The following ADGRB3 variants were observed in gnomAD, a reference collection of about 807,000 sequenced individuals.
ADGRB3 encodes brain-specific angiogenesis inhibitor 3.
Under a neutral mutation model 193.4 loss-of-function variants are expected in ADGRB3, and 37 were observed. The ratio of observed to expected loss-of-function variants is 0.19; its 90% confidence interval spans 0.15 to 0.25. The LOEUF (loss-of-function observed/expected upper bound fraction) is 0.25. Among genes scored for constraint, ADGRB3 ranks in the 10% least tolerant of loss-of-function variants. The pLI, the probability that ADGRB3 is intolerant of heterozygous loss-of-function variation, is 1.00. For synonymous variants in ADGRB3, 690 were observed against 644.2 expected (o/e 1.07, Z -1.08); for missense variants, 1,637 against 1,852.9 (o/e 0.88, Z 2.14).
At position 69,364,978 on chromosome 6, in the gene ADGRB3, A is replaced by T. The variant is rs552003245; in HGVS notation, c.4239+3466A>T. Among the ~76,000 whole-genome samples, 9 of 152,200 alleles carry T rather than the reference A, an allele frequency of 5.9e-5. No homozygotes were observed. The East Asian group carries it at 1.7e-3, about 29-fold the overall frequency. Reference sequence around the variant, plus strand: ...TTGTTCTTTATTTATTTCCTGAAAAATTATAGTTGTAACATTGTAGAGAGA... The same window carrying T: ...TTGTTCTTTATTTATTTCCTGAAAATTTATAGTTGTAACATTGTAGAGAGA... On this transcript the variant is annotated intron_variant, in intron 29 of 31. Transcript: ENST00000370598.
chr6:68,895,636 T>C (rs1477437955), intron 3 of ADGRB3, among the ~76,000 whole-genome samples: 1 of 152,050 alleles, frequency 6.6e-6, no homozygotes, highest in Non-Finnish European at 1.5e-5. Context: ...TACTGTATTA[T>C]ACAGTGTGCC....
intron 3 of ADGRB3, among the ~76,000 whole-genome samples, chr6:68,694,769 A>T (rs1765130562): frequency 6.6e-6 from 1 of 151,948 alleles, no homozygotes; most frequent in Admixed American, 6.6e-5. Flanking sequence ...TCATCTCTAG[A>T]TTCTATCCCT....
intron 20 of ADGRB3, among the ~76,000 whole-genome samples, chr6:69,305,367 C>A (rs1295275988): frequency 6.6e-6 from 1 of 151,400 alleles, no homozygotes; most frequent in Non-Finnish European, 1.5e-5. Flanking sequence ...ACAAAATATA[C>A]TTTTTTGGCT....
At chr6:69,214,414 T>C (rs1276568762) in intron 17 of ADGRB3, among the ~76,000 whole-genome samples, 4 of 152,124 alleles carry the variant, frequency 2.6e-5, no homozygotes, top group African/African-American at 9.7e-5. Flanking sequence ...GATTCAGGTC[T>C]ATTTTATTTT....
intron 3 of ADGRB3, among the ~76,000 whole-genome samples, chr6:68,881,038 A>G (rs1408098342): frequency 1.3e-5 from 2 of 152,170 alleles, no homozygotes; most frequent in Admixed American, 6.5e-5. Context: ...TATGATTAGA[A>G]ACAGTTTTCC....
intron 17 of ADGRB3, among the ~76,000 whole-genome samples, chr6:69,192,761 T>C (rs1254863310): frequency 6.6e-6 from 1 of 152,184 alleles, no homozygotes; most frequent in Non-Finnish European, 1.5e-5. Context: ...TTTTTATTCA[T>C]TAAACATATA....
intron 30 of ADGRB3, among the ~76,000 whole-genome samples, chr6:69,374,756 T>A (rs1275474918): frequency 6.6e-6 from 1 of 152,080 alleles, no homozygotes; most frequent in African/African-American, 2.4e-5. Flanking sequence ...CCTCCAGAGA[T>A]CCTAGTACCT....
rs555913175 is a variant in ADGRB3 at position 68,699,578 on chromosome 6, T to C, written c.757+60146T>C. Among the ~76,000 whole-genome samples the C allele has an allele frequency of 2.6e-5, 4 of 152,050 alleles. 1 individual carries two copies. In the East Asian group the frequency reaches 7.8e-4, roughly 30 times the overall value. ...ACTCAGACAATCTCTTCTTTTAACATCTGATAGGTTCCTTTGCATTAAGAG... is the reference window on the plus strand; with the variant it reads ...ACTCAGACAATCTCTTCTTTTAACACCTGATAGGTTCCTTTGCATTAAGAG... On this transcript the variant is annotated intron_variant, in intron 3 of 31. Transcript: ENST00000370598.
chr6:69,215,283 T>C (rs1250206925), intron 17 of ADGRB3, among the ~76,000 whole-genome samples: 3 of 152,178 alleles, frequency 2.0e-5, no homozygotes, highest in Non-Finnish European at 4.4e-5. Context: ...CAAATTAGCA[T>C]AGAAGAAGAG....
chr6:68,772,895 ATATATATATAT>A (rs1239692568), intron 3 of ADGRB3, among the ~76,000 whole-genome samples: 487 of 33,296 alleles, frequency 0.015, 7 homozygotes, highest in East Asian at 0.043. Flanking sequence ...AAAAAAAAAA[ATATATATATAT>A]ATATATATAT....
intron 17 of ADGRB3, among the ~76,000 whole-genome samples, chr6:69,080,627 C>A (rs1772359627): frequency 6.6e-6 from 1 of 151,324 alleles, no homozygotes; most frequent in Non-Finnish European, 1.5e-5. Flanking sequence ...CTCATAATTA[C>A]CTAATTGAAG....
At chr6:69,000,992 C>T (rs1260523506) in intron 11 of ADGRB3, among the ~76,000 whole-genome samples, 2 of 151,956 alleles carry the variant, frequency 1.3e-5, no homozygotes, top group Non-Finnish European at 2.9e-5. Flanking sequence ...TAATTACCAA[C>T]ATAGAAGAAA....
At chr6:68,851,229 C>G (rs1413906696) in intron 3 of ADGRB3, among the ~76,000 whole-genome samples, 1 of 151,324 alleles carries the variant, frequency 6.6e-6, no homozygotes, top group Non-Finnish European at 1.5e-5. Flanking sequence ...TCTCTTCTCT[C>G]TTTGCCTCCT....
chr6:69,238,290 C>T (rs1444436545), intron 19 of ADGRB3, among the ~76,000 whole-genome samples: 1 of 152,064 alleles, frequency 6.6e-6, no homozygotes, highest in Non-Finnish European at 1.5e-5. Context: ...GTTACTGTCA[C>T]TCAGTGATTT....
chr6:69,244,064 C>T (rs2127263106), intron 20 of ADGRB3, among the ~76,000 whole-genome samples: 1 of 152,040 alleles, frequency 6.6e-6, no homozygotes, highest in East Asian at 1.9e-4. Context: ...GGTGGTCAAA[C>T]ATTTTCTTAG....
chr6:69,336,395 T>C (rs1204865969), intron 24 of ADGRB3, among the ~76,000 whole-genome samples: 2 of 148,226 alleles, frequency 1.3e-5, no homozygotes, highest in African/African-American at 5.1e-5. Context: ...TAGTACCCTT[T>C]ACAAATTTCA....
At chr6:68,796,286 A>G (rs548538926) in intron 3 of ADGRB3, among the ~76,000 whole-genome samples, 8 of 151,956 alleles carry the variant, frequency 5.3e-5, no homozygotes, top group African/African-American at 9.7e-5. Flanking sequence ...TATATACTGT[A>G]CTGACTGGAA....
At chr6:69,130,643 C>CT (rs1561928560) in intron 17 of ADGRB3, among the ~76,000 whole-genome samples, 1 of 150,768 alleles carries the variant, frequency 6.6e-6, no homozygotes, top group African/African-American at 2.4e-5. Context: ...TTTTTATTGT[C>CT]TTTTTTAACT....
At chr6:68,862,135 C>T (rs1006524546) in intron 3 of ADGRB3, among the ~76,000 whole-genome samples, 1 of 141,382 alleles carries the variant, frequency 7.1e-6, no homozygotes, top group African/African-American at 2.6e-5. Context: ...GGAGGGACCC[C>T]CCCCCCCACC....
Sources: allele counts gnomAD v4.1 joint callset (sites outside exome capture counted in the v4.1 genomes callset), GRCh38; gene constraint gnomAD v4.1.1; transcripts MANE v1.5; gene names NCBI Gene and HGNC (gene_info 2026-07-23, HGNC 2026-07-21).